Variants in OAS2 observed in about 807,000 individuals in gnomAD.
The protein encoded by OAS2 is 2'-5'-oligoadenylate synthase 2.
A neutral mutation model predicts 71.3 loss-of-function variants in OAS2; 67 were observed. The observed-to-expected ratio is 0.94, with a 90% CI of 0.77 to 1.15. The LOEUF is 1.15. Among genes scored for constraint, OAS2 ranks in the 50% most tolerant of loss-of-function variants. OAS2 has a pLI of 0.00. For missense variants in OAS2, 789 were observed against 822.5 expected, an observed-to-expected ratio of 0.96 and a Z score of 0.50; for synonymous variants, 327 against 321.8, an observed-to-expected ratio of 1.02 and a Z score of -0.17.
intron 7 of OAS2, 37 bp downstream of exon 7, chr12:113,005,259 G>T: frequency 6.3e-7 from 1 of 1,587,196 alleles, no homozygotes; most frequent in South Asian, 1.1e-5. Context: ...AAGTGATGGT[G>T]GACAGAAGGT....
intron 8 of OAS2, among the ~76,000 whole-genome samples, chr12:113,007,170 G>A (rs2044342059): frequency 6.6e-6 from 1 of 152,282 alleles, no homozygotes; most frequent in South Asian, 2.1e-4. Context: ...ACATCCTCAT[G>A]ACAGTAAACA....
chr12:113,000,532 TCA>T (rs10633848), intron 5 of OAS2, among the ~76,000 whole-genome samples: 6 of 149,596 alleles, frequency 4.0e-5, no homozygotes, highest in Non-Finnish European at 8.9e-5. Context: ...ACACACACAC[TCA>T]CACATGCACA....
intron 6 of OAS2, among the ~76,000 whole-genome samples, chr12:113,003,417 C>A (rs1256105339): frequency 1.3e-5 from 2 of 152,158 alleles, no homozygotes; most frequent in African/African-American, 4.8e-5. Flanking sequence ...GTGTCCTCCC[C>A]CTTCTCTTCT....
At position 113,003,058 on chromosome 12, in the gene OAS2, G is replaced by A. The variant is rs2044303427; in HGVS notation, c.1135G>A (p.Glu379Lys). Residue 379 changes from glutamate (E) to lysine (K), a missense_variant, in exon 6 of 10, where the codon GAA becomes AAA. Physicochemically the swap from Glu to Lys is moderately conservative, Grantham distance 56. Coordinates refer to ENST00000392583, the MANE Select transcript of OAS2 (RefSeq NM_002535.3). ...AVNIIRTFLK[E>K]NCFRQSTAKI... ...TAACATCATCCGTACATTCCTTAAAGAAAACTGCTTCCGACAATCAACAGC... is the reference window on the plus strand; with the variant it reads ...TAACATCATCCGTACATTCCTTAAAAAAAACTGCTTCCGACAATCAACAGC... 1 of 1,614,066 alleles carries A rather than the reference G, an allele frequency of 6.2e-7. No individual in the cohort carries two copies. Among genetic ancestry groups the A allele is most frequent in the Non-Finnish European group, 8.5e-7 (1 of 1,180,024 alleles).
At chr12:112,991,331 C>T (rs1357214691) in intron 2 of OAS2, among the ~76,000 whole-genome samples, 1 of 152,206 alleles carries the variant, frequency 6.6e-6, no homozygotes. Context: ...TTGCAAACCC[C>T]AACTATCTGA....
chr12:112,983,988 G>A (rs1165857365), intron 1 of OAS2, among the ~76,000 whole-genome samples: 1 of 152,094 alleles, frequency 6.6e-6, no homozygotes, highest in Non-Finnish European at 1.5e-5. Context: ...TGCAGACTAA[G>A]TCCAGTATTC....
chr12:112,987,571 C>T (rs894599451), intron 2 of OAS2: 2 of 1,306,874 alleles, frequency 1.5e-6, no homozygotes, highest in Non-Finnish European at 1.9e-6. Context: ...CCATACTGTA[C>T]ACATAAATCA....
chr12:112,983,913 A>C (rs2044106590), intron 1 of OAS2, among the ~76,000 whole-genome samples: 2 of 152,366 alleles, frequency 1.3e-5, no homozygotes, highest in Middle Eastern at 3.4e-3. Context: ...TGTGCTGATA[A>C]GAATGTGTAT....
chr12:113,002,135 C>A (rs2136391690), intron 5 of OAS2, among the ~76,000 whole-genome samples: 1 of 152,304 alleles, frequency 6.6e-6, no homozygotes, highest in East Asian at 1.9e-4. Context: ...GCCTCAGCGA[C>A]ATGCAATTTA....
chr12:112,987,015 A>C, intron 1 of OAS2, 23 bp from the exon 2 acceptor site: 1 of 1,593,594 alleles, frequency 6.3e-7, no homozygotes, highest in Non-Finnish European at 8.6e-7. Context: ...AGTGTCTCAT[A>C]TCTGCTTCTT....
At chr12:112,996,096 C>G (rs529391672) in intron 3 of OAS2, among the ~76,000 whole-genome samples, 8 of 152,168 alleles carry the variant, frequency 5.3e-5, no homozygotes, top group Non-Finnish European at 7.3e-5. Flanking sequence ...GCCATGGCAC[C>G]CAGCCATAGT....
Position 113,009,995 on chromosome 12 carries a change from G to T in OAS2, c.*740G>T. On this transcript the variant is annotated 3_prime_UTR_variant, in exon 10 of 10. Transcript: ENST00000392583. ...ACTTACTCACATTTGGGGCTAGACA[G>T]TTCTTTGTTTGGAGGCTCTCTTGTG... The T allele has an allele frequency of 1.0e-6, 1 of 982,742 alleles. No individual in the cohort carries two copies. Among genetic ancestry groups the T allele is most frequent in the Middle Eastern group, 5.2e-4 (1 of 1,908 alleles). 60.9% of individuals were successfully genotyped at this position (982,742 alleles called of 1,614,324 possible). A position where few individuals can be genotyped will look rare whatever the true frequency, so the allele number is the denominator to read the frequency against.
At chr12:113,008,012 T>A in intron 9 of OAS2, 69 bp downstream of exon 9, 1 of 1,125,806 alleles carries the variant, frequency 8.9e-7, no homozygotes. Flanking sequence ...CAACCTGGAT[T>A]TTCCTCTGCT....
At chr12:112,994,548 A>G (rs1346696893) in intron 2 of OAS2, among the ~76,000 whole-genome samples, 1 of 152,076 alleles carries the variant, frequency 6.6e-6, no homozygotes, top group African/African-American at 2.4e-5. Flanking sequence ...TAGCCTCCTG[A>G]GTAGCTGGGA....
At chr12:112,982,698 A>G (rs2044095319) in intron 1 of OAS2, among the ~76,000 whole-genome samples, 1 of 152,206 alleles carries the variant, frequency 6.6e-6, no homozygotes, top group African/African-American at 2.4e-5. Context: ...AGAAGTGGTT[A>G]GGAGTAATTC....
In OAS2 at chr12:113,003,987, T is replaced by C. The variant is rs150309522; in HGVS notation, c.1179+885T>C. ...TTGTCAAAGCATGTGCTTTCTCCTCTCCTTCCTGAAACCCCATTCACATGA... is the reference window on the plus strand; with the variant it reads ...TTGTCAAAGCATGTGCTTTCTCCTCCCCTTCCTGAAACCCCATTCACATGA... On this transcript the variant is annotated intron_variant, in intron 6 of 9. Transcript: ENST00000392583. 5.0e-3 allele frequency among the ~76,000 whole-genome samples: 754 copies of C among 152,262 alleles called. 6 individuals are homozygous for C. The highest frequency in any genetic ancestry group is 0.012 in the African/African-American group (493 of 41,546).
intron 2 of OAS2, chr12:112,987,746 C>G: frequency 9.9e-7 from 1 of 1,006,084 alleles, no homozygotes; most frequent in Non-Finnish European, 1.2e-6. Flanking sequence ...AGGCAGACAT[C>G]TGGGAAAAGT....
In OAS2 at chr12:113,010,997, A is replaced by T. The variant is rs2044376062; in HGVS notation, c.*1742A>T. On this transcript the variant is annotated 3_prime_UTR_variant, in exon 10 of 10. Transcript: ENST00000392583. ...CAAGCTCTCCAAAGGCTCAGATTAT[A>T]ACTGTTGTCATATTTATATGAGGCT... 1 of 152,316 alleles carries T rather than the reference A, an allele frequency of 6.6e-6. No homozygotes were observed. Among genetic ancestry groups the T allele is most frequent in the African/African-American group, 2.4e-5 (1 of 41,390 alleles). 9.4% of individuals were successfully genotyped at this position (152,316 alleles called of 1,614,324 possible).
In OAS2 at chr12:113,006,413, G is replaced by A. The variant is rs1345599200; in HGVS notation, c.1469G>A (p.Gly490Asp). Residue 490 changes from glycine to aspartate, a missense_variant and splice_region_variant, in exon 8 of 10, where the codon GGT becomes GAT. Coordinates refer to ENST00000392583, the MANE Select transcript of OAS2 (RefSeq NM_002535.3). ...FDVLPAFNALGQLSSGSTPSP... is the reference protein window; with the variant it reads ...FDVLPAFNALDQLSSGSTPSP... Reference sequence around the variant, plus strand: ...GATGTCAATCTCTCCCTCATGCCAGGTCAGCTGAGTTCTGGCTCCACACCC... The same window carrying A: ...GATGTCAATCTCTCCCTCATGCCAGATCAGCTGAGTTCTGGCTCCACACCC... 1.3e-6 allele frequency: 2 copies of A among 1,548,184 alleles called. No individual in the cohort carries two copies. The highest frequency in any genetic ancestry group is 1.4e-5 in the African/African-American group (1 of 73,658).
Sources: gnomAD v4.1 joint callset for allele counts (sites outside exome capture counted in the v4.1 genomes callset) on GRCh38, gnomAD v4.1.1 for gene constraint, MANE v1.5 for transcripts, NCBI Gene and HGNC (gene_info 2026-07-23, HGNC 2026-07-21) for gene names.